Variants in GINM1 observed in about 807,000 individuals in gnomAD.
The protein encoded by GINM1 is glycoprotein integral membrane protein 1.
In GINM1, 29 loss-of-function variants were observed where a neutral mutation model predicts 37.8. The ratio of observed to expected loss-of-function variants is 0.77; its 90% confidence interval spans 0.57 to 1.05. The LOEUF is 1.05. GINM1 is among the 50% of genes least tolerant of loss of function. GINM1 has a pLI of 0.00. For synonymous variants in GINM1, 143 were observed against 146.2 expected, an observed-to-expected ratio of 0.98 and a Z score of 0.16; for missense variants, 377 against 397.9, an observed-to-expected ratio of 0.95 and a Z score of 0.45.
At position 149,566,395 on chromosome 6, in the gene GINM1, C is replaced by T. The variant is rs1185669693; in HGVS notation, c.-20C>T. The stretch of plus-strand genomic sequence containing the variant: ...CCCTCACCTCCCGGCCGCGGCTGCC[C>T]TCTGCCCGGGTTGTCCAAGATGGAG... On this transcript the variant is annotated 5_prime_UTR_variant, in exon 1 of 8. Coordinates refer to ENST00000367419, the MANE Select transcript of GINM1 (RefSeq NM_138785.5). The surrounding 1 kb of genome is among the most constrained non-coding windows in gnomAD (Gnocchi z 4.4). 1.5e-5 allele frequency: 23 copies of T among 1,543,570 alleles called. No individual in the cohort carries two copies. Among genetic ancestry groups the T allele is most frequent in the Admixed American group, 7.4e-5 (4 of 53,940 alleles).
chr6:149,566,472 C>G lies in GINM1; in HGVS notation c.58C>G (p.Pro20Ala). ...ALRLLLFVAL[P>A]ASGWLTTGAP... ...CCGGCTCCTGCTGTTCGTGGCGCTA[C>G]CCGCCTCCGGCTGGCTGACGACGGG... Residue 20 changes from proline (P) to alanine (A), a missense_variant, in exon 1 of 8, where the codon CCC (proline) becomes GCC (alanine). Coordinates refer to ENST00000367419, the MANE Select transcript of GINM1 (RefSeq NM_138785.5). The surrounding 1 kb of genome is among the most constrained non-coding windows in gnomAD (Gnocchi z 4.4). 6.4e-7 allele frequency: 1 copy of G among 1,563,392 alleles called. No individual in the cohort carries two copies. The highest frequency in any genetic ancestry group is 1.4e-5 in the African/African-American group (1 of 72,352).
intron 5 of GINM1, 92 bp from the exon 6 acceptor site, chr6:149,580,501 C>G (rs1364402396): frequency 8.8e-7 from 1 of 1,134,820 alleles, no homozygotes; most frequent in African/African-American, 1.6e-5. Context: ...AATATGTGTT[C>G]TTACTATCCT....
At chr6:149,575,818 C>T (rs1020830838) in intron 3 of GINM1, among the ~76,000 whole-genome samples, 5 of 152,204 alleles carry the variant, frequency 3.3e-5, no homozygotes, top group South Asian at 2.1e-4. Context: ...GGGAATTGGA[C>T]GTGGAATACA....
chr6:149,589,481 C>T (rs564363353), intron 7 of GINM1, among the ~76,000 whole-genome samples: 2 of 151,898 alleles, frequency 1.3e-5, no homozygotes, highest in African/African-American at 2.4e-5. Flanking sequence ...CCATGTTGGC[C>T]AGGCTGGCCT....
At chr6:149,581,035 A>G (rs1376456882) in intron 6 of GINM1, among the ~76,000 whole-genome samples, 1 of 152,176 alleles carries the variant, frequency 6.6e-6, no homozygotes, top group East Asian at 1.9e-4. Flanking sequence ...GCATACACAC[A>G]TATGCATTGT....
intron 7 of GINM1, among the ~76,000 whole-genome samples, chr6:149,587,363 A>G (rs921297606): frequency 2.0e-5 from 3 of 152,108 alleles, no homozygotes; most frequent in Admixed American, 6.6e-5. Context: ...CCCACAGGCT[A>G]AGGGCTTAGT....
At position 149,572,612 on chromosome 6, in the gene GINM1, T is replaced by C; in HGVS notation, c.277+9T>C. ...CTGTCAGACTTTGATAGGTGAGTAT[T>C]ACTAAATTATTTCCATAATTGCTCT... is the stretch of plus-strand genomic sequence containing the variant. On this transcript the variant is annotated intron_variant, in intron 3 of 7. Coordinates refer to ENST00000367419, the MANE Select transcript of GINM1 (RefSeq NM_138785.5). 1 of 1,410,926 alleles carries C rather than the reference T, an allele frequency of 7.1e-7. No individual in the cohort carries two copies. The highest frequency in any genetic ancestry group is 1.0e-6 in the Non-Finnish European group (1 of 1,000,506). The allele number at this position is 1,410,926 out of a possible 1,614,324, so 87.4% of individuals were successfully genotyped here.
Position 149,572,730 on chromosome 6 carries a change from C to T in GINM1, c.277+127C>T. ...AGGCTGGAGTGCAATGGTGCGATCT[C>T]AGCTCACTGCAACCTCTACCTCCTA... is the stretch of plus-strand genomic sequence containing the variant. On this transcript the variant is annotated intron_variant, in intron 3 of 7. Transcript: ENST00000367419. The T allele has an allele frequency of 4.5e-6, 3 of 659,546 alleles. No homozygotes were observed. In the South Asian group the frequency reaches 5.1e-5, roughly 11 times the overall value. The allele number at this position is 659,546 out of a possible 1,614,324, so 40.9% of individuals were successfully genotyped here.
At chr6:149,582,643 G>A in intron 7 of GINM1, 40 bp downstream of exon 7, 2 of 1,335,186 alleles carry the variant, frequency 1.5e-6, no homozygotes, top group African/African-American at 1.5e-5. Context: ...TATTTTTAAT[G>A]ATTAAAAAGT....
intron 1 of GINM1, among the ~76,000 whole-genome samples, chr6:149,567,467 C>T (rs1777739530): frequency 6.6e-6 from 1 of 152,052 alleles, no homozygotes; most frequent in Non-Finnish European, 1.5e-5. Context: ...AAGGTGAAAC[C>T]CCGTCTCTAC....
At chr6:149,576,445 C>G (rs939244629) in intron 3 of GINM1, 1 of 152,192 alleles carries the variant, frequency 6.6e-6, no homozygotes, top group Non-Finnish European at 1.5e-5. Context: ...GGGCTATGCT[C>G]TGTTTGTTAG....
At chr6:149,587,999 T>G (rs913597159) in intron 7 of GINM1, among the ~76,000 whole-genome samples, 1 of 152,244 alleles carries the variant, frequency 6.6e-6, no homozygotes, top group African/African-American at 2.4e-5. Flanking sequence ...ATATCACAGG[T>G]GTTCCACAGT....
chr6:149,569,207 T>A (rs1276174004), intron 1 of GINM1, among the ~76,000 whole-genome samples: 1 of 151,934 alleles, frequency 6.6e-6, no homozygotes, highest in African/African-American at 2.4e-5. Flanking sequence ...CTAATTTTTT[T>A]ATATTTTTAG....
At chr6:149,585,496 T>G (rs1320921016) in intron 7 of GINM1, among the ~76,000 whole-genome samples, 1 of 152,190 alleles carries the variant, frequency 6.6e-6, no homozygotes, top group African/African-American at 2.4e-5. Context: ...TTCCCAAACT[T>G]TCTTGGTTTA....
chr6:149,584,861 A>C (rs750618711), intron 7 of GINM1, among the ~76,000 whole-genome samples: 3 of 151,608 alleles, frequency 2.0e-5, no homozygotes, highest in East Asian at 3.9e-4. Flanking sequence ...GGATCTTGCT[A>C]TGTTGGCTAG....
chr6:149,590,713 A>C lies in GINM1; in HGVS notation c.882-14A>C. On this transcript the variant is annotated splice_polypyrimidine_tract_variant and intron_variant, in intron 7 of 7. Transcript: ENST00000367419. The stretch of plus-strand genomic sequence containing the variant: ...CATTTAATTTTGATAGTAATTAATC[A>C]CTTTCTATTTCAGAGGAATTCTTCA... 5 of 1,287,114 alleles carry C rather than the reference A, an allele frequency of 3.9e-6. No homozygotes were observed. Among genetic ancestry groups the C allele is most frequent in the Non-Finnish European group, 5.6e-6 (5 of 892,536 alleles). 79.7% of individuals were successfully genotyped at this position (1,287,114 alleles called of 1,614,324 possible).
chr6:149,566,608 G>T lies in GINM1; in HGVS notation c.120+74G>T. ...GGAGGCCCGGGCTGTCCACAGTGAC[G>T]CTTCCCACATCCCACCGGCGGGCAG... On this transcript the variant is annotated intron_variant, in intron 1 of 7. Transcript: ENST00000367419. The surrounding 1 kb of genome is among the most constrained non-coding windows in gnomAD (Gnocchi z 4.4). The T allele has an allele frequency of 2.2e-6, 3 of 1,384,104 alleles. No individual in the cohort carries two copies. Among genetic ancestry groups the T allele is most frequent in the South Asian group, 3.1e-5 (2 of 64,670 alleles). 85.7% of individuals were successfully genotyped at this position (1,384,104 alleles called of 1,614,324 possible).
chr6:149,578,702 A>T (rs1777953139), intron 3 of GINM1, 120 bp from the exon 4 acceptor site: 3 of 632,418 alleles, frequency 4.7e-6, no homozygotes, highest in Non-Finnish European at 7.9e-6. Context: ...GGATGAAGAA[A>T]GCCAAAGAAA....
chr6:149,568,120 C>T (rs1777750390), intron 1 of GINM1, among the ~76,000 whole-genome samples: 1 of 152,216 alleles, frequency 6.6e-6, no homozygotes, highest in Non-Finnish European at 1.5e-5. Context: ...CGGAAATTCA[C>T]ATATTACGCT....
Sources: gnomAD v4.1 joint callset for allele counts (sites outside exome capture counted in the v4.1 genomes callset) on GRCh38, gnomAD v4.1.1 for gene constraint, Gnocchi (gnomAD v3.1) non-coding constraint, MANE v1.5 for transcripts, NCBI Gene and HGNC (gene_info 2026-07-23, HGNC 2026-07-21) for gene names.